Variants in KIAA0513 observed in about 807,000 individuals in gnomAD.
KIAA0513 encodes uncharacterized protein KIAA0513.
A neutral mutation model predicts 56.5 loss-of-function variants in KIAA0513; 39 were observed. The ratio of observed to expected loss-of-function variants is 0.69; its 90% CI spans 0.53 to 0.90. The LOEUF is 0.90. Ranked by LOEUF, KIAA0513 falls within the 40% of genes least tolerant of loss-of-function variation. KIAA0513 has a pLI of 0.00. For synonymous variants in KIAA0513, 268 were observed against 215.6 expected, an observed-to-expected ratio of 1.24 and a Z score of -2.13; for missense variants, 591 against 535.2, an observed-to-expected ratio of 1.10 and a Z score of -1.03.
At chr16:85,084,627 C>T (rs1261793138) in intron 10 of KIAA0513, among the ~76,000 whole-genome samples, 1 of 152,160 alleles carries the variant, frequency 6.6e-6, no homozygotes, top group African/African-American at 2.4e-5. Context: ...CGGGGTTTCA[C>T]CATGTTGGTC....
intron 10 of KIAA0513, among the ~76,000 whole-genome samples, chr16:85,082,962 C>T (rs574172744): frequency 1.3e-5 from 2 of 152,372 alleles, no homozygotes; most frequent in South Asian, 4.1e-4. Flanking sequence ...GCCACTCCGG[C>T]CCCTTCTGAG....
intron 1 of KIAA0513, among the ~76,000 whole-genome samples, chr16:85,046,372 G>C (rs376338430): frequency 1.1e-4 from 16 of 152,292 alleles, no homozygotes; most frequent in African/African-American, 3.9e-4. Context: ...GGAAAAACTT[G>C]GGGCTCCGAT....
At position 85,094,021 on chromosome 16, in the gene KIAA0513, C is replaced by T. The variant is rs1400886349; in HGVS notation, c.*5696C>T. The T allele has an allele frequency of 6.6e-6, 1 of 152,154 alleles. No homozygotes were observed. The highest frequency in any genetic ancestry group is 1.5e-5 in the Non-Finnish European group (1 of 68,028). 9.4% of individuals were successfully genotyped at this position (152,154 alleles called of 1,614,324 possible). A position where few individuals can be genotyped will look rare whatever the true frequency, so the allele number is the denominator to read the frequency against. ...GCCCCCAAGTGGCGTGCAGTGACAC[C>T]AGTATCTTCTCTGTTGCATTTTTGC... On this transcript the variant is annotated 3_prime_UTR_variant, in exon 13 of 13. Coordinates refer to ENST00000683363, the MANE Select transcript of KIAA0513 (RefSeq NM_001388359.1).
At chr16:85,070,187 A>AAACAAAAG (rs1555523563) in intron 2 of KIAA0513, among the ~76,000 whole-genome samples, 2 of 147,504 alleles carry the variant, frequency 1.4e-5, no homozygotes, top group Non-Finnish European at 3.0e-5. Context: ...AAAAAAAGAA[A>AAACAAAAG]AAAGAAAGAA....
chr16:85,077,308 G>A (rs1349673473), intron 5 of KIAA0513, 117 bp from the exon 6 acceptor site: 2 of 924,936 alleles, frequency 2.2e-6, no homozygotes, highest in African/African-American at 1.7e-5. Context: ...GGCTGAGGAG[G>A]GAGGCTCCCG....
chr16:85,085,534 G>A (rs1474645267), intron 10 of KIAA0513, among the ~76,000 whole-genome samples: 2 of 152,186 alleles, frequency 1.3e-5, no homozygotes, highest in Admixed American at 1.3e-4. Context: ...TTTTTAGGGG[G>A]AAAGGGGCTC....
intron 1 of KIAA0513, among the ~76,000 whole-genome samples, chr16:85,028,266 C>T (rs936372218): frequency 1.3e-5 from 2 of 152,098 alleles, no homozygotes; most frequent in African/African-American, 2.4e-5. Flanking sequence ...GAAGAAACCC[C>T]GGACTCCTGC....
intron 6 of KIAA0513, among the ~76,000 whole-genome samples, chr16:85,078,116 G>A (rs1567543475): frequency 1.3e-5 from 2 of 152,162 alleles, no homozygotes; most frequent in South Asian, 2.1e-4. Flanking sequence ...GCCAGAGGGA[G>A]CCCCCGGGGT....
intron 1 of KIAA0513, chr16:85,063,662 C>T (rs1297476457): frequency 6.6e-6 from 1 of 152,128 alleles, no homozygotes; most frequent in African/African-American, 2.4e-5. Context: ...TCCTTTTTCC[C>T]TCTGAACTGT....
chr16:85,058,606 T>G (rs1186063259), intron 1 of KIAA0513, among the ~76,000 whole-genome samples: 1 of 150,740 alleles, frequency 6.6e-6, no homozygotes, highest in Non-Finnish European at 1.5e-5. Context: ...GAGCCAAGAT[T>G]GCTCCACTGC....
Position 85,081,462 on chromosome 16 carries a change from CG to C in KIAA0513, c.980+72del. 1 of 1,359,492 alleles carries C rather than the reference CG, an allele frequency of 7.4e-7. No homozygotes were observed. The highest frequency in any genetic ancestry group is 1.0e-6 in the Non-Finnish European group (1 of 972,376). 84.2% of individuals were successfully genotyped at this position (1,359,492 alleles called of 1,614,324 possible). A position where few individuals can be genotyped will look rare whatever the true frequency, so the allele number is the denominator to read the frequency against. The stretch of plus-strand genomic sequence containing the variant: ...AGGGAGTGGCTTTATTTCCCGGTTT[CG>C]GAAGAGGAGAGCAGAAGAGCAGCTG... On this transcript the variant is annotated intron_variant, in intron 9 of 12. Coordinates refer to ENST00000683363, the MANE Select transcript of KIAA0513 (RefSeq NM_001388359.1). The surrounding 1 kb of genome is among the most constrained non-coding windows in gnomAD (Gnocchi z 4.4).
rs535635926 is a variant in KIAA0513 at position 85,076,318 on chromosome 16, G to T, written c.574+404G>T. On this transcript the variant is annotated intron_variant, in intron 5 of 12. Coordinates refer to ENST00000683363, the MANE Select transcript of KIAA0513 (RefSeq NM_001388359.1). The surrounding 1 kb of genome is among the most constrained non-coding windows in gnomAD (Gnocchi z 4.7). ...TTGGAGGGTGGTGGGGAGGAGCAGC[G>T]TAGGATCTGAAGCTGCAGAGAGTTC... is the stretch of plus-strand genomic sequence containing the variant. 6.6e-6 allele frequency among the ~76,000 whole-genome samples: 1 copy of T among 152,318 alleles called. No homozygotes were observed. The highest frequency in any genetic ancestry group is 2.1e-4 in the South Asian group (1 of 4,830).
chr16:85,064,817 C>T (rs28431095), intron 1 of KIAA0513, among the ~76,000 whole-genome samples: 46,262 of 151,818 alleles, frequency 0.3, 7,248 homozygotes, highest in Admixed American at 0.38. Flanking sequence ...TCCTGAGTAG[C>T]TGGATTACAG....
rs148794095 is a variant in KIAA0513, at chr16:85,077,555, G to A, written c.705G>A (p.Ser235=). The A allele has an allele frequency of 6.2e-5, 100 of 1,614,130 alleles. No individual in the cohort carries two copies. The African/African-American group carries it at 1.1e-3, about 18-fold the overall frequency. Residue 235 remains serine (S), a synonymous_variant, in exon 6 of 13, where the codon TCG becomes TCA. Transcript: ENST00000683363. ...CCGAGCGGCTGCTGAAGAACACCTCGGCCAGGACTGAGAATGTCAAGGGCT... is the reference window on the plus strand; with the variant it reads ...CCGAGCGGCTGCTGAAGAACACCTCAGCCAGGACTGAGAATGTCAAGGGCT... ...DIAERLLKNT[S]ARTENVKGFF... is the part of the protein sequence containing the mutation.
intron 1 of KIAA0513, among the ~76,000 whole-genome samples, chr16:85,057,478 A>C (rs1243209162): frequency 6.6e-6 from 1 of 152,204 alleles, no homozygotes; most frequent in Non-Finnish European, 1.5e-5. Flanking sequence ...AGGAAGGAGC[A>C]GTTCAGATGC....
chr16:85,065,730 T>A (rs983205772), intron 1 of KIAA0513, among the ~76,000 whole-genome samples: 1 of 152,204 alleles, frequency 6.6e-6, no homozygotes, highest in African/African-American at 2.4e-5. Context: ...GGGCTGTGGT[T>A]AGAGGTGTGC....
At chr16:85,071,993 G>A (rs2073583806) in intron 3 of KIAA0513, 111 bp downstream of exon 3, 11 of 746,954 alleles carry the variant, frequency 1.5e-5, no homozygotes, top group Non-Finnish European at 2.5e-5. Flanking sequence ...AAGAGTCAAG[G>A]GAAAGGACCC....
chr16:85,056,528 A>G (rs944914631), intron 1 of KIAA0513, among the ~76,000 whole-genome samples: 4 of 152,082 alleles, frequency 2.6e-5, no homozygotes, highest in African/African-American at 9.7e-5. Flanking sequence ...CTCCCTTCCC[A>G]GCTCCACTTA....
At chr16:85,066,094 C>T (rs2073477272) in intron 1 of KIAA0513, among the ~76,000 whole-genome samples, 1 of 152,170 alleles carries the variant, frequency 6.6e-6, no homozygotes, top group Non-Finnish European at 1.5e-5. Flanking sequence ...GTCAGTAAAG[C>T]AAGCAGGATG....
Sources: gnomAD v4.1 joint callset for allele counts (sites outside exome capture counted in the v4.1 genomes callset) on GRCh38, gnomAD v4.1.1 for gene constraint, Gnocchi (gnomAD v3.1) non-coding constraint, MANE v1.5 for transcripts, NCBI Gene and HGNC (gene_info 2026-07-23, HGNC 2026-07-21) for gene names.